GRAMD1B: variants seen among roughly 807,000 people sequenced by gnomAD.
The protein encoded by GRAMD1B is GRAM domain containing 1B.
A neutral mutation model predicts 99.7 loss-of-function variants in GRAMD1B; 37 were observed. The ratio of observed to expected loss-of-function variants is 0.37; its 90% CI spans 0.29 to 0.49. The LOEUF is 0.49. Among genes scored for constraint, GRAMD1B ranks in the 20% least tolerant of loss-of-function variants. The pLI is 0.98. For synonymous variants in GRAMD1B, 427 were observed against 387.6 expected (o/e 1.10, Z -1.19); for missense variants, 888 against 1,009.2 (o/e 0.88, Z 1.63).
In GRAMD1B at chr11:123,449,387, G is replaced by C. The variant is rs949418007; in HGVS notation, c.374+18221G>C. 6.6e-5 allele frequency among the ~76,000 whole-genome samples: 10 copies of C among 152,328 alleles called. No homozygotes were observed. The East Asian group carries it at 1.9e-3, about 29-fold the overall frequency. On this transcript the variant is annotated intron_variant, in intron 1 of 19. Transcript: ENST00000635736. ...ATGATGAAAGCCTCTAAGGAAATTC[G>C]ATTTTCATGGAATTCTACGATAAAT...
At chr11:123,423,619 TC>T (rs1948537603) in intron 1 of GRAMD1B, among the ~76,000 whole-genome samples, 1 of 152,162 alleles carries the variant, frequency 6.6e-6, no homozygotes, top group Admixed American at 6.5e-5. Context: ...GTCTCAGAGG[TC>T]ATCAATGACC....
chr11:123,558,959 G>C (rs1946423818), intron 2 of GRAMD1B, among the ~76,000 whole-genome samples: 1 of 152,240 alleles, frequency 6.6e-6, no homozygotes, highest in South Asian at 2.1e-4. Context: ...ATGAGTTCGA[G>C]CAGGATGCAG....
chr11:123,527,483 C>T (rs960807505), intron 2 of GRAMD1B, among the ~76,000 whole-genome samples: 2 of 152,102 alleles, frequency 1.3e-5, no homozygotes, highest in African/African-American at 4.8e-5. Flanking sequence ...CATCAGTTAT[C>T]CCCCAGCCGG....
chr11:123,488,378 C>T (rs1024745586), intron 2 of GRAMD1B, among the ~76,000 whole-genome samples: 5 of 152,136 alleles, frequency 3.3e-5, no homozygotes, highest in African/African-American at 1.2e-4. Flanking sequence ...GGATGGATAC[C>T]TCCCCCCGGA....
chr11:123,424,238 G>A (rs1387111468), intron 1 of GRAMD1B, among the ~76,000 whole-genome samples: 1 of 143,474 alleles, frequency 7.0e-6, no homozygotes, highest in East Asian at 2.0e-4. Context: ...GGTTAGTAAT[G>A]CAGTCCCCCA....
intron 1 of GRAMD1B, among the ~76,000 whole-genome samples, chr11:123,389,693 G>A (rs907497851): frequency 3.3e-5 from 5 of 152,102 alleles, no homozygotes; most frequent in Admixed American, 2.6e-4. Flanking sequence ...GTTAATAATA[G>A]AAGAAACCGG....
At chr11:123,493,932 CT>C (rs1938912262) in intron 2 of GRAMD1B, among the ~76,000 whole-genome samples, 1 of 152,192 alleles carries the variant, frequency 6.6e-6, no homozygotes, top group Non-Finnish European at 1.5e-5. Context: ...GAGGCTGCCT[CT>C]TACCCCTTTG....
chr11:123,500,614 T>C (rs1939756132), intron 2 of GRAMD1B, among the ~76,000 whole-genome samples: 1 of 152,058 alleles, frequency 6.6e-6, no homozygotes, highest in African/African-American at 2.4e-5. Flanking sequence ...GGAGGAGCAA[T>C]GTTTATGTTC....
intron 17 of GRAMD1B, among the ~76,000 whole-genome samples, chr11:123,617,499 T>C (rs1434538518): frequency 6.6e-6 from 1 of 152,304 alleles, no homozygotes; most frequent in African/African-American, 2.4e-5. Flanking sequence ...TATCTTCTCA[T>C]TTTTTGTCAT....
chr11:123,563,204 T>A (rs1946975170), intron 2 of GRAMD1B, among the ~76,000 whole-genome samples: 1 of 152,188 alleles, frequency 6.6e-6, no homozygotes, highest in Non-Finnish European at 1.5e-5. Flanking sequence ...GGATAGGACC[T>A]CTGGTAGGAA....
At chr11:123,569,309 C>G (rs1014161334) in intron 2 of GRAMD1B, among the ~76,000 whole-genome samples, 5 of 152,142 alleles carry the variant, frequency 3.3e-5, no homozygotes, top group South Asian at 4.1e-4. Flanking sequence ...CAGGTCACTA[C>G]TAGTGACTTG....
chr11:123,483,157 C>T (rs151275685), intron 2 of GRAMD1B, among the ~76,000 whole-genome samples: 80 of 152,122 alleles, frequency 5.3e-4, no homozygotes, highest in Middle Eastern at 3.4e-3. Context: ...GATTGCAGCT[C>T]AGGATAAGAA....
At chr11:123,532,487 A>G (rs1202363541) in intron 2 of GRAMD1B, among the ~76,000 whole-genome samples, 4 of 152,160 alleles carry the variant, frequency 2.6e-5, no homozygotes, top group Non-Finnish European at 4.4e-5. Context: ...ACATACCACT[A>G]CTGCACAGCT....
intron 1 of GRAMD1B, among the ~76,000 whole-genome samples, chr11:123,372,989 A>G (rs1449113039): frequency 6.6e-6 from 1 of 152,034 alleles, no homozygotes; most frequent in African/African-American, 2.4e-5. Context: ...AAATACAAAA[A>G]TTAGCCAGGT....
intron 2 of GRAMD1B, among the ~76,000 whole-genome samples, chr11:123,561,252 T>C (rs1156812328): frequency 6.6e-6 from 1 of 152,150 alleles, no homozygotes; most frequent in African/African-American, 2.4e-5. Flanking sequence ...TGTGCTCCTG[T>C]TCTCCACCTG....
At chr11:123,411,067 T>TGC (rs1948031407) in intron 1 of GRAMD1B, among the ~76,000 whole-genome samples, 1 of 151,644 alleles carries the variant, frequency 6.6e-6, no homozygotes, top group African/African-American at 2.4e-5. Context: ...TGCAGTGGCA[T>TGC]GATCTCGGCT....
At chr11:123,500,981 C>A (rs1939794939) in intron 2 of GRAMD1B, among the ~76,000 whole-genome samples, 1 of 151,600 alleles carries the variant, frequency 6.6e-6, no homozygotes, top group Non-Finnish European at 1.5e-5. Context: ...GCAATAGATG[C>A]CATTTTGAGG....
intron 1 of GRAMD1B, among the ~76,000 whole-genome samples, chr11:123,413,722 C>A (rs903317125): frequency 6.6e-6 from 1 of 152,054 alleles, no homozygotes; most frequent in Non-Finnish European, 1.5e-5. Flanking sequence ...CGCAGTCCCA[C>A]CCCCACCCCA....
intron 1 of GRAMD1B, among the ~76,000 whole-genome samples, chr11:123,472,601 C>T (rs1310056393): frequency 6.6e-6 from 1 of 152,186 alleles, no homozygotes; most frequent in Non-Finnish European, 1.5e-5. Flanking sequence ...GAGAGAGGGG[C>T]ACCCAAATGG....
Sources: allele counts gnomAD v4.1 joint callset (sites outside exome capture counted in the v4.1 genomes callset), GRCh38; gene constraint gnomAD v4.1.1; transcripts MANE v1.5; gene names NCBI Gene and HGNC (gene_info 2026-07-23, HGNC 2026-07-21).